The following MINPP1 variants were observed in gnomAD, a reference collection of about 807,000 sequenced individuals.
MINPP1 encodes multiple inositol-polyphosphate phosphatase 1.
A neutral mutation model predicts 46.1 loss-of-function variants in MINPP1; 28 were observed. The ratio of observed to expected loss-of-function variants is 0.61; its 90% CI spans 0.45 to 0.83. MINPP1 has a LOEUF of 0.83. Ranked by LOEUF, MINPP1 falls within the 40% of genes least tolerant of loss-of-function variation. The pLI, the probability that MINPP1 is intolerant of heterozygous loss-of-function variation, is 0.00. For synonymous variants in MINPP1, 268 were observed against 249.1 expected, an observed-to-expected ratio of 1.08 and a Z score of -0.72; for missense variants, 603 against 610.0, an observed-to-expected ratio of 0.99 and a Z score of 0.12.
At chr10:87,521,946 A>G (rs1851508124) in intron 4 of MINPP1, among the ~76,000 whole-genome samples, 1 of 152,224 alleles carries the variant, frequency 6.6e-6, no homozygotes, top group African/African-American at 2.4e-5. Context: ...TGGTCTCCCA[A>G]AGTGTTGGGA....
rs1851983114 is a variant in MINPP1 at position 87,552,753 on chromosome 10, A to G, written c.*275A>G. 2 of 430,394 alleles carry G rather than the reference A, an allele frequency of 4.6e-6. No homozygotes were observed. The highest frequency in any genetic ancestry group is 5.3e-5 in the South Asian group (2 of 37,994). The allele number at this position is 430,394 out of a possible 1,614,324, so 26.7% of individuals were successfully genotyped here. The stretch of plus-strand genomic sequence containing the variant: ...AAATGAAATTCTTCCTACTTATATA[A>G]GAAATCTCACACTGAGATAGAATTG... On this transcript the variant is annotated 3_prime_UTR_variant, in exon 5 of 5. Coordinates refer to ENST00000371996, the MANE Select transcript of MINPP1 (RefSeq NM_004897.5).
intron 1 of MINPP1, among the ~76,000 whole-genome samples, chr10:87,506,323 G>A (rs1344128576): frequency 6.6e-6 from 1 of 152,038 alleles, no homozygotes; most frequent in Non-Finnish European, 1.5e-5. Context: ...CTAAGGTCTA[G>A]TATCCAAGTC....
intron 4 of MINPP1, among the ~76,000 whole-genome samples, chr10:87,543,437 T>G (rs1851844163): frequency 6.6e-6 from 1 of 152,130 alleles, no homozygotes; most frequent in Non-Finnish European, 1.5e-5. Context: ...GGAGGATCAC[T>G]TGGGCCCAGG....
At chr10:87,508,097 A>G in intron 1 of MINPP1, 1 of 1,510,562 alleles carries the variant, frequency 6.6e-7, no homozygotes, top group Non-Finnish European at 8.8e-7. Context: ...CATCTCTACA[A>G]CACATTTAAT....
intron 4 of MINPP1, among the ~76,000 whole-genome samples, chr10:87,540,540 C>T (rs1247351454): frequency 6.6e-6 from 1 of 151,858 alleles, no homozygotes; most frequent in African/African-American, 2.4e-5. Context: ...CTTACTCCCT[C>T]ATTCAGACAT....
chr10:87,529,751 G>A (rs969065385), intron 4 of MINPP1, among the ~76,000 whole-genome samples: 2 of 152,184 alleles, frequency 1.3e-5, no homozygotes, highest in African/African-American at 2.4e-5. Context: ...GTGTTGGCCT[G>A]CCTTGCTAGG....
intron 3 of MINPP1, among the ~76,000 whole-genome samples, chr10:87,518,561 G>A (rs77796995): frequency 3.9e-5 from 6 of 151,912 alleles, no homozygotes; most frequent in African/African-American, 1.2e-4. Context: ...TCCCCTGCAC[G>A]CCAAGCAGGA....
At chr10:87,551,564 T>G (rs950852993) in intron 4 of MINPP1, among the ~76,000 whole-genome samples, 5 of 152,070 alleles carry the variant, frequency 3.3e-5, no homozygotes, top group Non-Finnish European at 7.4e-5. Context: ...CTTTTTTGGG[T>G]TTTGTAAACC....
At chr10:87,548,248 A>G (rs1166696732) in intron 4 of MINPP1, among the ~76,000 whole-genome samples, 1 of 152,166 alleles carries the variant, frequency 6.6e-6, no homozygotes, top group Non-Finnish European at 1.5e-5. Context: ...GGGTTTCTCT[A>G]ACAGACACAT....
At chr10:87,538,633 A>T (rs1374023892) in intron 4 of MINPP1, among the ~76,000 whole-genome samples, 1 of 152,188 alleles carries the variant, frequency 6.6e-6, no homozygotes, top group Non-Finnish European at 1.5e-5. Context: ...CCAAATACTC[A>T]CTGGAACTGA....
At chr10:87,507,942 T>A (rs1851277045) in intron 1 of MINPP1, 2 of 1,308,222 alleles carry the variant, frequency 1.5e-6, no homozygotes, top group Non-Finnish European at 1.9e-6. Flanking sequence ...AGACTTTGGC[T>A]TAGAGTGAAA....
chr10:87,505,583 C>T lies in MINPP1; in HGVS notation c.637+31C>T, dbSNP rs923056042. The T allele has an allele frequency of 3.8e-6, 6 of 1,579,976 alleles. No individual in the cohort carries two copies. Among genetic ancestry groups the T allele is most frequent in the African/African-American group, 1.3e-5 (1 of 74,326 alleles). ...CCCCCGGGCGGCCCGTGTGCTGTCC[C>T]GGTCCTCCCACCCGCCCTGGATGCT... is the stretch of plus-strand genomic sequence containing the variant. On this transcript the variant is annotated intron_variant, in intron 1 of 4. Transcript: ENST00000371996. This position sits in a 1 kb window ranked among gnomAD's most constrained non-coding sequence, Gnocchi z 4.4.
chr10:87,533,587 G>T (rs1851690101), intron 4 of MINPP1, among the ~76,000 whole-genome samples: 1 of 152,010 alleles, frequency 6.6e-6, no homozygotes, highest in African/African-American at 2.4e-5. Flanking sequence ...GTTACTTCAT[G>T]TTTTCTCAAA....
At chr10:87,525,204 A>G (rs1200911113) in intron 4 of MINPP1, among the ~76,000 whole-genome samples, 2 of 152,324 alleles carry the variant, frequency 1.3e-5, no homozygotes, top group African/African-American at 2.4e-5. Context: ...ACAGAGTTGC[A>G]CAACCATCAC....
Position 87,504,922 on chromosome 10 carries a change from C to T in MINPP1, c.7C>T (p.Arg3Cys), listed in dbSNP as rs1327781109. 1 of 1,610,566 alleles carries T rather than the reference C, an allele frequency of 6.2e-7. No homozygotes were observed. The highest frequency in any genetic ancestry group is 8.5e-7 in the Non-Finnish European group (1 of 1,179,176). Residue 3 changes from arginine (R) to cysteine (C), a missense_variant, in exon 1 of 5, where the codon CGC becomes TGC. By Grantham distance (180) the Arg-to-Cys change is radical. Around this residue, in one of 3 missense-constraint regions of MINPP1, gnomAD observed 239 missense variants for 189.4 expected, o/e 1.26. Coordinates refer to ENST00000371996, the MANE Select transcript of MINPP1 (RefSeq NM_004897.5). ML[R>C]APGCLLRTSV... The stretch of plus-strand genomic sequence containing the variant: ...TCCACTGACCGTCCCGACGATGCTA[C>T]GCGCGCCCGGCTGCCTCCTCCGGAC...
Position 87,505,035 on chromosome 10 carries a change from C to G in MINPP1, c.120C>G (p.Ala40=). The change falls in exon 1 of 5, where the codon GCC becomes GCG. Residue 40 remains alanine, a synonymous_variant. Coordinates refer to ENST00000371996, the MANE Select transcript of MINPP1 (RefSeq NM_004897.5). This position sits in a 1 kb window ranked among gnomAD's most constrained non-coding sequence, Gnocchi z 4.4. ...TTCTAGAGCCGAGGGACCCGGTGGC[C>G]TCGTCGCTCAGCCCCTATTTCGGCA... is the stretch of plus-strand genomic sequence containing the variant. ...CSLLEPRDPV[A]SSLSPYFGTK... The G allele has an allele frequency of 6.2e-7, 1 of 1,613,254 alleles. No homozygotes were observed. The highest frequency in any genetic ancestry group is 1.3e-5 in the African/African-American group (1 of 75,072).
chr10:87,519,363 G>T (rs11817857), intron 3 of MINPP1, among the ~76,000 whole-genome samples: 1,629 of 152,288 alleles, frequency 0.011, 9 homozygotes, highest in Non-Finnish European at 0.016. Flanking sequence ...ACCAGGAGTG[G>T]TCTTGGCAAA....
intron 4 of MINPP1, among the ~76,000 whole-genome samples, chr10:87,537,772 AT>A (rs1564680935): frequency 6.6e-6 from 1 of 150,972 alleles, no homozygotes; most frequent in Non-Finnish European, 1.5e-5. Context: ...AGCTTTGGGA[AT>A]TTTTTTTCTT....
At chr10:87,530,704 G>A (rs1851646910) in intron 4 of MINPP1, among the ~76,000 whole-genome samples, 1 of 152,194 alleles carries the variant, frequency 6.6e-6, no homozygotes, top group African/African-American at 2.4e-5. Flanking sequence ...ACTCCGTGCT[G>A]GGAGAACCAG....
Sources: allele counts gnomAD v4.1 joint callset (sites outside exome capture counted in the v4.1 genomes callset), GRCh38; gene constraint gnomAD v4.1.1; regional missense constraint gnomAD v4.1.1; non-coding constraint Gnocchi (gnomAD v3.1); transcripts MANE v1.5; gene names NCBI Gene and HGNC (gene_info 2026-07-23, HGNC 2026-07-21).